The following TSBP1 variants were observed in gnomAD, a reference collection of about 807,000 sequenced individuals.
TSBP1 encodes the protein testis-expressed basic protein 1.
TSBP1 carries 56 observed loss-of-function variants against 68.8 expected under a neutral mutation model. The ratio of observed to expected loss-of-function variants is 0.81; its 90% CI spans 0.66 to 1.02. The LOEUF is 1.02. Among genes scored for constraint, TSBP1 ranks in the 50% least tolerant of loss-of-function variants. The pLI, the probability that TSBP1 is intolerant of heterozygous loss-of-function variation, is 0.00. For synonymous variants in TSBP1, 171 were observed against 208.7 expected (o/e 0.82, Z 1.56); for missense variants, 502 against 641.2 (o/e 0.78, Z 2.34).
intron 22 of TSBP1, among the ~76,000 whole-genome samples, chr6:32,298,453 C>G (rs1764932747): frequency 6.6e-6 from 1 of 152,156 alleles, no homozygotes; most frequent in African/African-American, 2.4e-5. Flanking sequence ...GTGGCACATG[C>G]CTGTAATCCC....
chr6:32,354,984 A>T, intron 8 of TSBP1, 140 bp downstream of exon 8: 1 of 566,478 alleles, frequency 1.8e-6, no homozygotes. Context: ...TCAATTTGTC[A>T]CATCTAAGGT....
At position 32,355,129 on chromosome 6, in the gene TSBP1, G is replaced by C. The variant is rs777935726; in HGVS notation, c.254C>G (p.Ser85Cys). 4.3e-6 allele frequency: 7 copies of C among 1,612,220 alleles called. No homozygotes were observed. In the East Asian group the frequency reaches 1.6e-4, roughly 36 times the overall value. ...GAAAACCACAAAGCACTTACCTAGA[G>C]AGTTGGTTGATGGTGCTAAAATACA... Residue 85 changes from serine to cysteine, a missense_variant, in exon 8 of 23, where the codon TCT (serine) becomes TGT (cysteine). Physicochemically the swap from Ser to Cys is moderately radical, Grantham distance 112 (BLOSUM62 -1). Transcript: ENST00000612031.
chr6:32,351,863 C>T (rs1028429602), intron 8 of TSBP1, among the ~76,000 whole-genome samples: 2 of 151,784 alleles, frequency 1.3e-5, no homozygotes, highest in African/African-American at 4.8e-5. Flanking sequence ...ATGCAGAGCA[C>T]AAAAATAAAG....
Position 32,315,819 on chromosome 6 carries a change from T to G in TSBP1, c.560-27A>C. On this transcript the variant is annotated intron_variant, in intron 18 of 22. Transcript: ENST00000612031. This position sits in a 1 kb window ranked among gnomAD's most constrained non-coding sequence, Gnocchi z 5.4. ...TAAAAAATAAGCAAAAAGAAATCCA[T>G]TTAATTTTTCTCAAATGGAGAAAAC... 2 of 1,434,798 alleles carry G rather than the reference T, an allele frequency of 1.4e-6. No individual in the cohort carries two copies. The allele number at this position is 1,434,798 out of a possible 1,614,324, so 88.9% of individuals were successfully genotyped here. A position where few individuals can be genotyped will look rare whatever the true frequency, so the allele number is the denominator to read the frequency against.
rs1300940930 is a variant in TSBP1 at position 32,323,832 on chromosome 6, G to T, written c.515-218C>A. ...GATAGGAAAGTAAGTGGTTAAAGTA[G>T]TATGCACCCCAAGCCTGGAAATCTT... is the stretch of plus-strand genomic sequence containing the variant. On this transcript the variant is annotated intron_variant, in intron 16 of 22. Coordinates refer to ENST00000612031, the Ensembl canonical transcript of TSBP1. 2.6e-5 allele frequency: 15 copies of T among 581,168 alleles called. No homozygotes were observed. In the Admixed American group the frequency reaches 4.5e-4, roughly 17 times the overall value. 36.0% of individuals were successfully genotyped at this position (581,168 alleles called of 1,614,324 possible).
intron 19 of TSBP1, among the ~76,000 whole-genome samples, chr6:32,312,175 A>G (rs6934546): frequency 0.21 from 32,003 of 152,112 alleles, 3,555 homozygotes; most frequent in East Asian, 0.22. Flanking sequence ...TATGTATTGT[A>G]CAAGACATTT....
chr6:32,344,625 G>T (rs1201176162), intron 9 of TSBP1, among the ~76,000 whole-genome samples: 1 of 151,692 alleles, frequency 6.6e-6, no homozygotes, highest in East Asian at 1.9e-4. Context: ...AAGAAGATCA[G>T]AAAAAAAATC....
In TSBP1 at chr6:32,340,864, CG is replaced by C. The variant is rs1448852024; in HGVS notation, c.350-1227del. Among the ~76,000 whole-genome samples, 11 of 152,012 alleles carry C rather than the reference CG, an allele frequency of 7.2e-5. No homozygotes were observed. Among genetic ancestry groups the C allele is most frequent in the African/African-American group, 2.4e-4 (10 of 41,480 alleles). On this transcript the variant is annotated intron_variant, in intron 9 of 22. Transcript: ENST00000612031. This position sits in a 1 kb window ranked among gnomAD's most constrained non-coding sequence, Gnocchi z 4.8. ...AGACTGGAGTGCAGTGGCACAGTCT[CG>C]GCTCACTGCAACCTTCACCTCCTGG...
At position 32,292,757 on chromosome 6, in the gene TSBP1, C is replaced by T. The variant is rs115158670; in HGVS notation, c.*224G>A. On this transcript the variant is annotated 3_prime_UTR_variant, in exon 23 of 23. Coordinates refer to ENST00000612031, the Ensembl canonical transcript of TSBP1. This position sits in a 1 kb window ranked among gnomAD's most constrained non-coding sequence, Gnocchi z 4.1. Reference sequence around the variant, plus strand: ...TCAGAAAGTATCCAGTCTTTCTTGACGGAATCATATACGTCTTAACTTATA... The same window carrying T: ...TCAGAAAGTATCCAGTCTTTCTTGATGGAATCATATACGTCTTAACTTATA... 1,838 of 477,344 alleles carry T rather than the reference C, an allele frequency of 3.9e-3. 11 individuals are homozygous for T. The highest frequency in any genetic ancestry group is 0.024 in the African/African-American group (1,177 of 49,452). The allele number at this position is 477,344 out of a possible 1,614,324, so 29.6% of individuals were successfully genotyped here. A position where few individuals can be genotyped will look rare whatever the true frequency, so the allele number is the denominator to read the frequency against.
intron 9 of TSBP1, among the ~76,000 whole-genome samples, chr6:32,342,132 T>C (rs987445063): frequency 1.3e-5 from 2 of 151,484 alleles, no homozygotes; most frequent in African/African-American, 4.9e-5. Flanking sequence ...TCCTCCCTTC[T>C]CCATTCATTT....
intron 19 of TSBP1, among the ~76,000 whole-genome samples, chr6:32,303,371 A>T (rs987979242): frequency 6.6e-6 from 1 of 151,300 alleles, no homozygotes; most frequent in African/African-American, 2.4e-5. Context: ...ACATATGTAG[A>T]ATTTCTTTGT....
chr6:32,363,205 C>A (rs1296371098), intron 6 of TSBP1, among the ~76,000 whole-genome samples: 1 of 152,054 alleles, frequency 6.6e-6, no homozygotes, highest in Non-Finnish European at 1.5e-5. Context: ...CTTTTGTTTT[C>A]CATTTGCATG....
At chr6:32,355,368 C>A (rs1418893546) in intron 7 of TSBP1, among the ~76,000 whole-genome samples, 1 of 152,122 alleles carries the variant, frequency 6.6e-6, no homozygotes, top group Non-Finnish European at 1.5e-5. Context: ...AGATGCCATT[C>A]CTACTGCCCT....
Position 32,304,682 on chromosome 6 carries a change from C to G in TSBP1, c.581-2053G>C, listed in dbSNP as rs1165879739. On this transcript the variant is annotated intron_variant, in intron 19 of 22. Transcript: ENST00000612031. The surrounding 1 kb of genome is among the most constrained non-coding windows in gnomAD (Gnocchi z 4.8). ...GTTCTCTCTTCATCGTCTTTTTTGT[C>G]TTTTCATGTTTTCTCTTCCTTTCAA... Among the ~76,000 whole-genome samples the G allele has an allele frequency of 6.6e-6, 1 of 152,034 alleles. No homozygotes were observed. Among genetic ancestry groups the G allele is most frequent in the Admixed American group, 6.5e-5 (1 of 15,268 alleles).
rs1024841007 is a variant in TSBP1, at chr6:32,316,404, T to A, written c.560-612A>T. 1.0e-5 allele frequency: 16 copies of A among 1,562,582 alleles called. No homozygotes were observed. The African/African-American group carries it at 2.0e-4, about 20-fold the overall frequency. On this transcript the variant is annotated intron_variant, in intron 18 of 22. Transcript: ENST00000612031. This position sits in a 1 kb window ranked among gnomAD's most constrained non-coding sequence, Gnocchi z 4.5. The stretch of plus-strand genomic sequence containing the variant: ...ACATGTAATACTTACTTATAGGTGC[T>A]GCCAGCTGACCTAAAAAAATTAGAT...
intron 9 of TSBP1, among the ~76,000 whole-genome samples, chr6:32,347,996 G>A (rs1583131213): frequency 3.3e-5 from 5 of 152,208 alleles, no homozygotes; most frequent in Middle Eastern, 3.4e-3. Context: ...TGTTTTCTCC[G>A]TAGAATTTAC....
intron 16 of TSBP1, among the ~76,000 whole-genome samples, chr6:32,327,657 T>TTA (rs1481790221): frequency 1.4e-5 from 2 of 145,312 alleles, no homozygotes. Context: ...TCTTTTTCTT[T>TTA]TTTTTTTTCT....
intron 2 of TSBP1, among the ~76,000 whole-genome samples, chr6:32,369,373 A>ATTTTTTTTTTTTT (rs9281761): frequency 0.042 from 5,363 of 126,404 alleles, 352 homozygotes; most frequent in Non-Finnish European, 0.073. Context: ...AAACTCTGTG[A>ATTTTTTTTTTTTT]TTTTTTTTTT....
At chr6:32,366,447 C>T in intron 4 of TSBP1, 145 bp from the exon 5 acceptor site, 2 of 841,966 alleles carry the variant, frequency 2.4e-6, no homozygotes, top group East Asian at 5.2e-5. Context: ...AACATATTAA[C>T]TTTACCAACA....
Sources: allele counts gnomAD v4.1 joint callset (sites outside exome capture counted in the v4.1 genomes callset), GRCh38; gene constraint gnomAD v4.1.1; non-coding constraint Gnocchi (gnomAD v3.1); transcripts MANE v1.5; gene names NCBI Gene and HGNC (gene_info 2026-07-23, HGNC 2026-07-21).